The following CLSTN2 variants were observed in gnomAD, a reference collection of about 807,000 sequenced individuals.
CLSTN2 encodes the protein calsyntenin 2.
In CLSTN2, 48 loss-of-function variants were observed where a neutral mutation model predicts 101.2. That is an observed-to-expected ratio of 0.47 (90% CI 0.38 to 0.60). The LOEUF is 0.60. Ranked by LOEUF, CLSTN2 falls within the 20% of genes least tolerant of loss-of-function variation. The probability of loss-of-function intolerance (pLI) is 0.00; values close to 1 mark genes in which losing one functional copy is unlikely to be tolerated. For synonymous variants in CLSTN2, 481 were observed against 463.6 expected (o/e 1.04, Z -0.48); for missense variants, 1,160 against 1,238.2 (o/e 0.94, Z 0.95).
chr3:140,385,861 G>T (rs2088046884), intron 2 of CLSTN2, among the ~76,000 whole-genome samples: 1 of 152,196 alleles, frequency 6.6e-6, no homozygotes, highest in Admixed American at 6.5e-5. Context: ...GCAGGGGCCA[G>T]ACAGACCTTG....
At chr3:140,427,193 A>ATGTG (rs2088577211) in intron 5 of CLSTN2, among the ~76,000 whole-genome samples, 1 of 83,742 alleles carries the variant, frequency 1.2e-5, no homozygotes, top group African/African-American at 7.1e-5. Flanking sequence ...AAATATATAT[A>ATGTG]TATATATATA....
chr3:140,542,686 C>T (rs1211333471), intron 9 of CLSTN2, among the ~76,000 whole-genome samples: 1 of 152,140 alleles, frequency 6.6e-6, no homozygotes, highest in Non-Finnish European at 1.5e-5. Context: ...AAATAGAGTG[C>T]ATCACACATC....
intron 2 of CLSTN2, among the ~76,000 whole-genome samples, chr3:140,220,261 C>T (rs1232898299): frequency 1.3e-5 from 2 of 152,178 alleles, no homozygotes; most frequent in Non-Finnish European, 2.9e-5. Flanking sequence ...GATCATCCAC[C>T]TTCCAATGCC....
At chr3:140,230,151 T>A (rs572605812) in intron 2 of CLSTN2, among the ~76,000 whole-genome samples, 2 of 152,152 alleles carry the variant, frequency 1.3e-5, no homozygotes, top group Admixed American at 1.3e-4. Flanking sequence ...CCTGATGGAA[T>A]ATCAGGCCGC....
intron 12 of CLSTN2, among the ~76,000 whole-genome samples, chr3:140,561,452 C>A (rs1935912884): frequency 1.3e-5 from 2 of 152,206 alleles, no homozygotes; most frequent in African/African-American, 4.8e-5. Context: ...GCAAGGACAA[C>A]TTGACTGACC....
At chr3:140,245,906 A>G (rs2086511762) in intron 2 of CLSTN2, among the ~76,000 whole-genome samples, 1 of 152,180 alleles carries the variant, frequency 6.6e-6, no homozygotes, top group Admixed American at 6.5e-5. Context: ...TCTAGCCTGC[A>G]TGGCTGGTGG....
intron 9 of CLSTN2, among the ~76,000 whole-genome samples, chr3:140,534,233 C>A (rs1312613745): frequency 2.0e-5 from 3 of 152,146 alleles, no homozygotes; most frequent in Non-Finnish European, 2.9e-5. Context: ...GGAACATAGC[C>A]TGGATAATGC....
chr3:140,553,161 GAGACACCGCTCCTC>G (rs1264619264), intron 10 of CLSTN2, among the ~76,000 whole-genome samples: 1 of 152,210 alleles, frequency 6.6e-6, no homozygotes, highest in African/African-American at 2.4e-5. Flanking sequence ...ACGGCTCAGT[GAGACACCGCTCCTC>G]AGGACTTGGA....
rs138222574 is a variant in CLSTN2, at chr3:140,527,708, A to G, written c.1345-4616A>G. Among the ~76,000 whole-genome samples, 975 of 152,358 alleles carry G rather than the reference A, an allele frequency of 6.4e-3. 11 individuals are homozygous for G. The highest frequency in any genetic ancestry group is 0.022 in the African/African-American group (934 of 41,578). ...GTGGGCTGAATAAAGAAAATGTGGT[A>G]CATATACACCATGGAATACTATGCA... On this transcript the variant is annotated intron_variant, in intron 8 of 16. Coordinates refer to ENST00000458420, the MANE Select transcript of CLSTN2 (RefSeq NM_022131.3).
chr3:140,227,327 C>A (rs1201101849), intron 2 of CLSTN2, among the ~76,000 whole-genome samples: 3 of 152,334 alleles, frequency 2.0e-5, no homozygotes, highest in Admixed American at 6.5e-5. Context: ...GCAGTCAAAT[C>A]TTAAAACTCT....
chr3:140,254,845 C>T (rs1034846387), intron 2 of CLSTN2, among the ~76,000 whole-genome samples: 1 of 152,074 alleles, frequency 6.6e-6, no homozygotes, highest in Non-Finnish European at 1.5e-5. Flanking sequence ...AAACTAAAGA[C>T]TTCTGCACAG....
intron 4 of CLSTN2, among the ~76,000 whole-genome samples, chr3:140,415,716 T>C (rs1258222153): frequency 2.6e-5 from 4 of 152,104 alleles, no homozygotes; most frequent in East Asian, 1.9e-4. Flanking sequence ...TTGGTGAAGA[T>C]GTGAAGAAAA....
chr3:140,399,735 C>T (rs1162532163), intron 2 of CLSTN2, among the ~76,000 whole-genome samples: 1 of 151,864 alleles, frequency 6.6e-6, no homozygotes, highest in Non-Finnish European at 1.5e-5. Flanking sequence ...ATCTTAGATT[C>T]CGTGGGTGCA....
At chr3:140,537,193 A>C (rs16850442) in intron 9 of CLSTN2, among the ~76,000 whole-genome samples, 18,420 of 152,186 alleles carry the variant, frequency 0.12, 1,599 homozygotes, top group African/African-American at 0.25. Context: ...GTGAAATTTC[A>C]GACGAGGCTT....
intron 2 of CLSTN2, among the ~76,000 whole-genome samples, chr3:140,286,799 G>A (rs1259000048): frequency 1.3e-5 from 2 of 152,192 alleles, no homozygotes; most frequent in Non-Finnish European, 2.9e-5. Flanking sequence ...AGAAGGAGGA[G>A]TAGTGGGGTC....
chr3:140,375,570 C>A (rs4638925), intron 2 of CLSTN2, among the ~76,000 whole-genome samples: 145,364 of 152,282 alleles, frequency 0.95, 69,738 homozygotes, highest in East Asian at 1. Context: ...ATCCGCTTTG[C>A]TCTTTTGTTT....
intron 8 of CLSTN2, among the ~76,000 whole-genome samples, chr3:140,501,041 G>T (rs1934564682): frequency 6.6e-6 from 1 of 152,098 alleles, no homozygotes. Context: ...AGGAACCCCT[G>T]ACACTGTTTA....
intron 2 of CLSTN2, among the ~76,000 whole-genome samples, chr3:140,300,788 G>T (rs1182074406): frequency 1.3e-5 from 2 of 151,062 alleles, no homozygotes; most frequent in Non-Finnish European, 3.0e-5. Context: ...CTCTAGAGAA[G>T]CAGTACCAGT....
At chr3:140,098,895 T>A (rs183884494) in intron 1 of CLSTN2, among the ~76,000 whole-genome samples, 120 of 152,258 alleles carry the variant, frequency 7.9e-4, no homozygotes, top group African/African-American at 2.9e-3. Flanking sequence ...AAAAGAAAAG[T>A]GGAGACACTG....
Sources: allele counts gnomAD v4.1 joint callset (sites outside exome capture counted in the v4.1 genomes callset), GRCh38; gene constraint gnomAD v4.1.1; transcripts MANE v1.5; gene names NCBI Gene and HGNC (gene_info 2026-07-23, HGNC 2026-07-21).